The following ROBO1 variants were observed in gnomAD, a reference collection of about 807,000 sequenced individuals.
ROBO1 encodes roundabout homolog 1.
Under a neutral mutation model 195.9 loss-of-function variants are expected in ROBO1, and 149 were observed. That is an observed-to-expected ratio of 0.76 (90% CI 0.67 to 0.87). The LOEUF (loss-of-function observed/expected upper bound fraction) is 0.87. Among genes scored for constraint, ROBO1 ranks in the 40% least tolerant of loss-of-function variants. The pLI is 0.00. For missense variants in ROBO1, 1,933 were observed against 2,068.3 expected, an observed-to-expected ratio of 0.93 and a Z score of 1.27; for synonymous variants, 816 against 733.2, an observed-to-expected ratio of 1.11 and a Z score of -1.82.
At chr3:79,765,814 T>C (rs1296435313) in intron 1 of ROBO1, among the ~76,000 whole-genome samples, 1 of 152,178 alleles carries the variant, frequency 6.6e-6, no homozygotes, top group Non-Finnish European at 1.5e-5. Context: ...TGGCCCATTC[T>C]ATAGGGTCCT....
At chr3:79,662,570 CT>C (rs1386943944) in intron 1 of ROBO1, among the ~76,000 whole-genome samples, 1 of 152,094 alleles carries the variant, frequency 6.6e-6, no homozygotes, top group Admixed American at 6.6e-5. Context: ...AAGTCGACTT[CT>C]GCCAATACTC....
chr3:79,409,143 A>C (rs2037668914), intron 2 of ROBO1, among the ~76,000 whole-genome samples: 1 of 152,124 alleles, frequency 6.6e-6, no homozygotes, highest in African/African-American at 2.4e-5. Flanking sequence ...TTAGAAAATA[A>C]AATATTTGAA....
intron 2 of ROBO1, among the ~76,000 whole-genome samples, chr3:79,525,601 C>T (rs112143088): frequency 9.9e-4 from 141 of 142,606 alleles, no homozygotes; most frequent in African/African-American, 3.3e-3. Context: ...GTCTTTAGAA[C>T]TTTACACTTT....
chr3:78,771,143 T>C (rs901232169), intron 4 of ROBO1, among the ~76,000 whole-genome samples: 2 of 152,192 alleles, frequency 1.3e-5, no homozygotes, highest in African/African-American at 4.8e-5. Flanking sequence ...TTCACATTGA[T>C]TGAATAGGGA....
At chr3:79,465,873 A>G (rs1385850395) in intron 2 of ROBO1, among the ~76,000 whole-genome samples, 1 of 152,122 alleles carries the variant, frequency 6.6e-6, no homozygotes. Context: ...CTCTTTCATT[A>G]ATATTTCCCT....
At chr3:79,648,466 G>C (rs187135929) in intron 1 of ROBO1, among the ~76,000 whole-genome samples, 1 of 152,028 alleles carries the variant, frequency 6.6e-6, no homozygotes, top group Non-Finnish European at 1.5e-5. Context: ...CACCATGAGC[G>C]TGAGTTTGTA....
At chr3:79,382,406 C>T (rs1298310039) in intron 2 of ROBO1, among the ~76,000 whole-genome samples, 1 of 151,304 alleles carries the variant, frequency 6.6e-6, no homozygotes, top group Non-Finnish European at 1.5e-5. Context: ...TGTAGGGAAG[C>T]ATTTGGAATA....
intron 4 of ROBO1, among the ~76,000 whole-genome samples, chr3:78,860,326 A>ATATATATATATATATATATATATTT (rs376853384): frequency 4.3e-5 from 4 of 93,522 alleles, no homozygotes; most frequent in African/African-American, 1.3e-4. Flanking sequence ...ATATATATAT[A>ATATATATATATATATATATATATTT]TTTTTTTTTT....
At chr3:79,652,317 C>T (rs2106756414) in intron 1 of ROBO1, among the ~76,000 whole-genome samples, 1 of 147,402 alleles carries the variant, frequency 6.8e-6, no homozygotes, top group East Asian at 1.9e-4. Flanking sequence ...AAATTCTTTC[C>T]ATTCTCAGAC....
chr3:78,696,125 GAAAA>G (rs34340807), intron 8 of ROBO1, among the ~76,000 whole-genome samples: 5 of 108,706 alleles, frequency 4.6e-5, no homozygotes, highest in African/African-American at 9.7e-5. Flanking sequence ...GAAAGAATCA[GAAAA>G]AAAAAAAAAA....
chr3:78,823,874 C>CTGTG (rs374708762), intron 4 of ROBO1, among the ~76,000 whole-genome samples: 1 of 150,328 alleles, frequency 6.7e-6, no homozygotes, highest in Non-Finnish European at 1.5e-5. Context: ...AATTTTGTCA[C>CTGTG]TGTGTGTGTG....
At chr3:79,666,532 T>G (rs1276871590) in intron 1 of ROBO1, among the ~76,000 whole-genome samples, 1 of 151,884 alleles carries the variant, frequency 6.6e-6, no homozygotes, top group Non-Finnish European at 1.5e-5. Flanking sequence ...GATTGAATCG[T>G]GGGGGCAGTT....
chr3:78,649,124 A>AT (rs1575839670), intron 19 of ROBO1, among the ~76,000 whole-genome samples: 1 of 129,004 alleles, frequency 7.8e-6, no homozygotes, highest in Non-Finnish European at 1.6e-5. Context: ...ACAAGTCTTC[A>AT]TAAAAAAAAA....
At chr3:78,740,726 G>T (rs1046397765) in intron 5 of ROBO1, among the ~76,000 whole-genome samples, 1 of 151,906 alleles carries the variant, frequency 6.6e-6, no homozygotes, top group Non-Finnish European at 1.5e-5. Context: ...GCCTGCCTTG[G>T]CCTCCCAAAG....
intron 14 of ROBO1, among the ~76,000 whole-genome samples, chr3:78,663,204 C>T (rs374991511): frequency 2.0e-5 from 3 of 150,890 alleles, no homozygotes; most frequent in African/African-American, 4.9e-5. Flanking sequence ...CTAAGTATCT[C>T]GGATGAAGTC....
Position 78,688,657 on chromosome 3 carries a change from T to G in ROBO1, c.1161A>C (p.Glu387Asp). The G allele has an allele frequency of 6.2e-7, 1 of 1,601,452 alleles. No individual in the cohort carries two copies. The highest frequency in any genetic ancestry group is 8.5e-7 in the Non-Finnish European group (1 of 1,173,574). Residue 387 changes from glutamate to aspartate, a missense_variant, in exon 9 of 31, where the codon GAA becomes GAC. By Grantham distance (45) the Glu-to-Asp change is conservative. This residue lies in a region of ROBO1 where 1,737 missense variants were observed against 1,882.5 expected (regional missense o/e 0.92). Coordinates refer to ENST00000464233, the MANE Select transcript of ROBO1 (RefSeq NM_002941.4). The stretch of plus-strand genomic sequence containing the variant: ...TAGAAAAAGGTGGTACCTGACTCCC[T>G]TCTCTCCTCCAGAAAATAGCTGGTT... ...NPQPAIFWRR[E>D]GSQNLLFSYQ...
intron 4 of ROBO1, among the ~76,000 whole-genome samples, chr3:78,872,278 C>G (rs2107157153): frequency 6.6e-6 from 1 of 152,304 alleles, no homozygotes; most frequent in African/African-American, 2.4e-5. Flanking sequence ...GTAAGTAGGG[C>G]CACTCCTGGG....
chr3:79,069,440 T>C (rs1195689331), intron 3 of ROBO1, among the ~76,000 whole-genome samples: 1 of 151,902 alleles, frequency 6.6e-6, no homozygotes, highest in Non-Finnish European at 1.5e-5. Flanking sequence ...TAACACCTAT[T>C]GATGCCCCAC....
At chr3:78,909,039 A>G (rs571498723) in intron 4 of ROBO1, among the ~76,000 whole-genome samples, 1 of 151,896 alleles carries the variant, frequency 6.6e-6, no homozygotes, top group Non-Finnish European at 1.5e-5. Context: ...AAGGATTTAA[A>G]TTACAGGCAT....
Sources: gnomAD v4.1 joint callset for allele counts (sites outside exome capture counted in the v4.1 genomes callset) on GRCh38, gnomAD v4.1.1 for gene constraint, gnomAD v4.1.1 regional missense constraint, MANE v1.5 for transcripts, NCBI Gene and HGNC (gene_info 2026-07-23, HGNC 2026-07-21) for gene names.